Variants in ATG3 observed in about 807,000 individuals in gnomAD.
ATG3 encodes ubiquitin-like-conjugating enzyme ATG3.
ATG3 carries 25 observed loss-of-function variants against 50.7 expected under a neutral mutation model. The observed-to-expected ratio is 0.49, with a 90% CI of 0.36 to 0.69. The LOEUF is 0.69. Ranked by LOEUF, ATG3 falls within the 30% of genes least tolerant of loss-of-function variation. ATG3 has a pLI of 0.00. For missense variants in ATG3, 281 were observed against 376.0 expected (o/e 0.75, Z 2.09); for synonymous variants, 119 against 125.5 (o/e 0.95, Z 0.34).
intron 2 of ATG3, among the ~76,000 whole-genome samples, chr3:112,556,379 G>T (rs1388989517): frequency 2.0e-5 from 3 of 148,644 alleles, no homozygotes; most frequent in African/African-American, 7.4e-5. Flanking sequence ...TGCCCGGCCA[G>T]CCGCCCCATC....
intron 10 of ATG3, 67 bp from the exon 11 acceptor site, chr3:112,534,404 T>C (rs1932967104): frequency 7.4e-7 from 1 of 1,349,712 alleles, no homozygotes; most frequent in Admixed American, 2.6e-5. Flanking sequence ...AAAACATATT[T>C]TCATTTGTAA....
chr3:112,532,907 C>T, intron 11 of ATG3, 127 bp from the exon 12 acceptor site: 1 of 1,309,056 alleles, frequency 7.6e-7, no homozygotes, highest in Non-Finnish European at 9.7e-7. Flanking sequence ...TAAATTAAGT[C>T]TATTAAAGAA....
intron 7 of ATG3, chr3:112,538,416 G>T: frequency 2.3e-6 from 1 of 432,080 alleles, no homozygotes; most frequent in Non-Finnish European, 4.2e-6. Flanking sequence ...GTCCTCAGTG[G>T]CTCCACAGTG....
intron 1 of ATG3, among the ~76,000 whole-genome samples, chr3:112,558,958 C>T (rs906454660): frequency 6.6e-6 from 1 of 152,050 alleles, no homozygotes; most frequent in Non-Finnish European, 1.5e-5. Flanking sequence ...AGGCTGGTCT[C>T]GAACTCCTGA....
chr3:112,547,580 T>G (rs544373482), intron 5 of ATG3, among the ~76,000 whole-genome samples: 1 of 152,232 alleles, frequency 6.6e-6, no homozygotes. Context: ...TGCATGTACA[T>G]AGTTATATAA....
chr3:112,541,215 C>T (rs746319607), intron 7 of ATG3, among the ~76,000 whole-genome samples: 10 of 151,952 alleles, frequency 6.6e-5, no homozygotes, highest in Admixed American at 5.2e-4. Flanking sequence ...GGTGAAATCC[C>T]GTCTCTACTA....
rs200092127 is a variant in ATG3, at chr3:112,552,644, CA to C, written c.164+635del. Among the ~76,000 whole-genome samples, 219 of 149,234 alleles carry C rather than the reference CA, an allele frequency of 1.5e-3. 2 individuals carry two copies. Among genetic ancestry groups the C allele is most frequent in the African/African-American group, 5.0e-3 (203 of 40,540 alleles). ...TTAATTTAAAAAAAAAAAACCTGTT[CA>C]AAAATTTTTTTTTTTTTTTGAGACG... is the stretch of plus-strand genomic sequence containing the variant. On this transcript the variant is annotated intron_variant, in intron 3 of 11. Transcript: ENST00000283290.
chr3:112,561,038 T>A (rs1933849949), intron 1 of ATG3, among the ~76,000 whole-genome samples: 1 of 152,234 alleles, frequency 6.6e-6, no homozygotes, highest in South Asian at 2.1e-4. Flanking sequence ...AAAGGAAAAG[T>A]GACCTCACCT....
chr3:112,538,008 C>T, intron 8 of ATG3, 118 bp from the exon 9 acceptor site: 2 of 1,242,048 alleles, frequency 1.6e-6, no homozygotes, highest in South Asian at 2.8e-5. Flanking sequence ...GAACTTGGAA[C>T]TCAAAGCTAC....
chr3:112,541,146 T>C (rs962592144), intron 7 of ATG3, among the ~76,000 whole-genome samples: 1 of 152,012 alleles, frequency 6.6e-6, no homozygotes, highest in African/African-American at 2.4e-5. Flanking sequence ...CCCAGCACTT[T>C]GGGGAGGCCG....
At chr3:112,561,311 T>C (rs1933865021) in intron 1 of ATG3, 146 bp downstream of exon 1, 1 of 782,284 alleles carries the variant, frequency 1.3e-6, no homozygotes, top group South Asian at 1.5e-5. Flanking sequence ...AGACTACGGG[T>C]GGGGGCTGCA....
At chr3:112,554,712 A>T (rs1001133439) in intron 2 of ATG3, among the ~76,000 whole-genome samples, 4 of 152,254 alleles carry the variant, frequency 2.6e-5, no homozygotes, top group African/African-American at 4.8e-5. Context: ...CACAGCAAAA[A>T]ATTACAAAAT....
rs2082564252 is a variant in ATG3 at position 112,532,669 on chromosome 3, A to G, written c.*30T>C. On this transcript the variant is annotated 3_prime_UTR_variant, in exon 12 of 12. Transcript: ENST00000283290. ...GTTAATTCTTTAAAAATCAGAACCA[A>G]TAATTAGGATAGATTTTATGCTCTC... 6.7e-7 allele frequency: 1 copy of G among 1,487,074 alleles called. No homozygotes were observed. Among genetic ancestry groups the G allele is most frequent in the Non-Finnish European group, 9.1e-7 (1 of 1,100,860 alleles). 92.1% of individuals were successfully genotyped at this position (1,487,074 alleles called of 1,614,324 possible).
chr3:112,534,006 CAT>C, intron 11 of ATG3: 2 of 1,196,128 alleles, frequency 1.7e-6, no homozygotes, highest in Non-Finnish European at 2.1e-6. Flanking sequence ...AAAAGATACT[CAT>C]ATTATTATTC....
Position 112,534,318 on chromosome 3 carries a change from T to C in ATG3, c.814A>G (p.Lys272Glu). The C allele has an allele frequency of 2.5e-6, 4 of 1,585,568 alleles. No homozygotes were observed. The highest frequency in any genetic ancestry group is 3.4e-6 in the Non-Finnish European group (4 of 1,168,212). The part of the protein sequence containing the change: ...HPCRHAEVMK[K>E]IIETVAEGGG... ...CCTTCTGCAACAGTCTCAATGATTT[T>C]CTTCATCACCTCAGCATGCCTAGAA... The change falls in exon 11 of 12, where the codon AAA becomes GAA. Residue 272 changes from lysine (K) to glutamate (E), a missense_variant. By Grantham distance (56) the Lys-to-Glu change is moderately conservative. This residue lies in a region of ATG3 where 242 missense variants were observed against 305.0 expected (regional missense o/e 0.79). Coordinates refer to ENST00000283290, the MANE Select transcript of ATG3 (RefSeq NM_022488.5).
chr3:112,542,641 G>A (rs759662269), intron 6 of ATG3, among the ~76,000 whole-genome samples: 11 of 151,970 alleles, frequency 7.2e-5, no homozygotes, highest in Admixed American at 2.0e-4. Context: ...AAAACCATCA[G>A]TGTCGGAGTA....
chr3:112,559,660 G>A (rs185682794), intron 1 of ATG3, among the ~76,000 whole-genome samples: 2 of 152,300 alleles, frequency 1.3e-5, no homozygotes, highest in Non-Finnish European at 2.9e-5. Context: ...AGTGCGAAGC[G>A]CGTTTCAGAT....
intron 2 of ATG3, among the ~76,000 whole-genome samples, chr3:112,555,640 G>C (rs1933651475): frequency 1.3e-5 from 2 of 152,152 alleles, no homozygotes; most frequent in Admixed American, 1.3e-4. Context: ...CAGAAACTCA[G>C]AAACAGCAAG....
At chr3:112,561,067 TGTGTGTC>T (rs1933850943) in intron 1 of ATG3, among the ~76,000 whole-genome samples, 2 of 152,230 alleles carry the variant, frequency 1.3e-5, no homozygotes, top group South Asian at 4.1e-4. Context: ...TTTTGACCTC[TGTGTGTC>T]AAACACTAAA....
Sources: gnomAD v4.1 joint callset for allele counts (sites outside exome capture counted in the v4.1 genomes callset) on GRCh38, gnomAD v4.1.1 for gene constraint, gnomAD v4.1.1 regional missense constraint, MANE v1.5 for transcripts, NCBI Gene and HGNC (gene_info 2026-07-23, HGNC 2026-07-21) for gene names.